SIDT1: variants seen among roughly 807,000 people sequenced by gnomAD.
SIDT1 encodes the protein SID1 transmembrane family, member 1.
Under a neutral mutation model 107.5 loss-of-function variants are expected in SIDT1, and 101 were observed. That is an observed-to-expected ratio of 0.94 (90% confidence interval 0.80 to 1.11). The LOEUF (loss-of-function observed/expected upper bound fraction) is 1.11. Among genes scored for constraint, SIDT1 ranks in the 50% least tolerant of loss-of-function variants. The pLI, the probability that SIDT1 is intolerant of heterozygous loss-of-function variation, is 0.00. For missense variants in SIDT1, 1,076 were observed against 1,058.2 expected (o/e 1.02, Z -0.23); for synonymous variants, 395 against 398.2 (o/e 0.99, Z 0.10).
At chr3:113,601,454 G>A in intron 10 of SIDT1, 134 bp from the exon 11 acceptor site, 2 of 566,936 alleles carry the variant, frequency 3.5e-6, no homozygotes, top group Non-Finnish European at 3.1e-6. Flanking sequence ...CATAGTTTTG[G>A]TGACTCCTGT....
chr3:113,539,540 T>C (rs879652513), intron 1 of SIDT1, among the ~76,000 whole-genome samples: 1 of 152,212 alleles, frequency 6.6e-6, no homozygotes, highest in Non-Finnish European at 1.5e-5. Context: ...TCAGTGGACA[T>C]GCTAAGAAAT....
chr3:113,606,796 C>T, intron 14 of SIDT1: 1 of 402,460 alleles, frequency 2.5e-6, no homozygotes, highest in Non-Finnish European at 4.5e-6. Flanking sequence ...TGAATTCCAC[C>T]TTGGGGCTGC....
chr3:113,636,918 T>A, the SIDT1 span, among the ~76,000 whole-genome samples: 1 of 152,184 alleles, frequency 6.6e-6, no homozygotes, highest in Admixed American at 6.5e-5. Context: ...ACCTCATTTG[T>A]CCTTAACAAC....
chr3:113,597,862 T>C (rs1944684527), intron 10 of SIDT1, among the ~76,000 whole-genome samples: 1 of 152,242 alleles, frequency 6.6e-6, no homozygotes, highest in Non-Finnish European at 1.5e-5. Context: ...TATAAGCTGA[T>C]ATTTTGTGTT....
intron 11 of SIDT1, 190 bp from the exon 12 acceptor site, chr3:113,602,815 C>G: frequency 2.0e-6 from 1 of 492,576 alleles, no homozygotes; most frequent in Non-Finnish European, 3.5e-6. Flanking sequence ...AATATAAAAA[C>G]AGGAGAAGAG....
At chr3:113,583,555 G>T in intron 7 of SIDT1, 59 bp downstream of exon 7, 1 of 1,330,520 alleles carries the variant, frequency 7.5e-7, no homozygotes, top group Non-Finnish European at 1.0e-6. Flanking sequence ...GGGAGTGAAA[G>T]GGAAGCTGAA....
At chr3:113,614,859 A>T (rs558490287) in intron 19 of SIDT1, among the ~76,000 whole-genome samples, 3 of 152,338 alleles carry the variant, frequency 2.0e-5, no homozygotes, top group East Asian at 3.9e-4. Flanking sequence ...CTCTTTGAGG[A>T]TTTGAAGACT....
the SIDT1 span, among the ~76,000 whole-genome samples, chr3:113,636,738 T>C: frequency 1.3e-5 from 2 of 152,240 alleles, no homozygotes; most frequent in African/African-American, 4.8e-5. Context: ...ACCTGACTTC[T>C]GAACTTATCT....
chr3:113,611,140 G>C lies in SIDT1; in HGVS notation c.1853G>C (p.Gly618Ala). The change falls in exon 18 of 25, where the codon GGA becomes GCA. Residue 618 changes from glycine to alanine, a missense_variant. Gly to Ala is a moderately conservative substitution (Grantham distance 60). Transcript: ENST00000264852. ...FAVVIMVTVLGVVFGKNDVWF... is the reference protein window; with the variant it reads ...FAVVIMVTVLAVVFGKNDVWF... ...GTGGTCATCATGGTCACCGTCCTTGGAGTGGTGCGTCCCCCACCTTCTTCC... is the reference window on the plus strand; with the variant it reads ...GTGGTCATCATGGTCACCGTCCTTGCAGTGGTGCGTCCCCCACCTTCTTCC... 6.2e-7 allele frequency: 1 copy of C among 1,613,804 alleles called. No homozygotes were observed. Among genetic ancestry groups the C allele is most frequent in the Middle Eastern group, 1.7e-4 (1 of 6,056 alleles).
intron 6 of SIDT1, among the ~76,000 whole-genome samples, chr3:113,583,118 T>C (rs1943483428): frequency 6.6e-6 from 1 of 152,230 alleles, no homozygotes; most frequent in South Asian, 2.1e-4. Context: ...GCTATTCACA[T>C]ATTATTTATA....
chr3:113,551,716 A>G (rs924496843), intron 1 of SIDT1, among the ~76,000 whole-genome samples: 2 of 152,174 alleles, frequency 1.3e-5, no homozygotes, highest in Admixed American at 6.5e-5. Context: ...GATACTAAGT[A>G]AAACTATAAA....
rs1945399004 is a variant in SIDT1 at position 113,607,203 on chromosome 3, C to T, written c.1478+89C>T. The T allele has an allele frequency of 6.0e-6, 5 of 837,056 alleles. No individual in the cohort carries two copies. In the Admixed American group the frequency reaches 6.4e-5, roughly 11 times the overall value. 51.9% of individuals were successfully genotyped at this position (837,056 alleles called of 1,614,324 possible). Reference sequence around the variant, plus strand: ...TTTCGGTTTTTAAAAATACTAAAAACAACTGTGGAAAACGACCCTATTCAA... The same window carrying T: ...TTTCGGTTTTTAAAAATACTAAAAATAACTGTGGAAAACGACCCTATTCAA... On this transcript the variant is annotated intron_variant, in intron 15 of 24. Transcript: ENST00000264852.
chr3:113,559,125 G>T (rs1941178193), intron 1 of SIDT1, among the ~76,000 whole-genome samples: 2 of 151,908 alleles, frequency 1.3e-5, no homozygotes, highest in Non-Finnish European at 2.9e-5. Context: ...AAATTTTATT[G>T]TTGCAACCAA....
intron 4 of SIDT1, among the ~76,000 whole-genome samples, chr3:113,578,362 G>A (rs183130861): frequency 0.013 from 1,923 of 151,986 alleles, 45 homozygotes; most frequent in African/African-American, 0.044. Context: ...AGCTACTCGG[G>A]AGGCTGAGGC....
chr3:113,549,654 C>T (rs1576725169), intron 1 of SIDT1, among the ~76,000 whole-genome samples: 1 of 152,248 alleles, frequency 6.6e-6, no homozygotes, highest in East Asian at 1.9e-4. Flanking sequence ...AGTCCTTTAT[C>T]AGATAAATAT....
chr3:113,631,721 G>A (rs1947096493), downstream of SIDT1, among the ~76,000 whole-genome samples: 1 of 152,030 alleles, frequency 6.6e-6, no homozygotes, highest in Non-Finnish European at 1.5e-5. Flanking sequence ...GTTTCACTTG[G>A]GTCTCCTCTG....
At chr3:113,563,809 A>G (rs934336037) in intron 1 of SIDT1, among the ~76,000 whole-genome samples, 1 of 152,230 alleles carries the variant, frequency 6.6e-6, no homozygotes, top group Non-Finnish European at 1.5e-5. Flanking sequence ...AGTAATTTTT[A>G]GGATTATTAA....
intron 1 of SIDT1, among the ~76,000 whole-genome samples, chr3:113,549,465 G>C (rs1339505269): frequency 6.6e-6 from 1 of 152,142 alleles, no homozygotes; most frequent in African/African-American, 2.4e-5. Context: ...TAAGTGTATA[G>C]TGGCATCTGA....
intron 3 of SIDT1, among the ~76,000 whole-genome samples, chr3:113,571,291 G>A (rs2107418024): frequency 6.6e-6 from 1 of 152,266 alleles, no homozygotes; most frequent in East Asian, 1.9e-4. Flanking sequence ...GATGGTGTGT[G>A]CCTGTAGATC....
Sources: allele counts gnomAD v4.1 joint callset (sites outside exome capture counted in the v4.1 genomes callset), GRCh38; gene constraint gnomAD v4.1.1; transcripts MANE v1.5; gene names NCBI Gene and HGNC (gene_info 2026-07-23, HGNC 2026-07-21).